Variants in NWD1 observed in about 807,000 individuals in gnomAD.
NWD1 encodes the protein NACHT domain- and WD repeat-containing protein 1.
NWD1 carries 129 observed loss-of-function variants against 135.1 expected under a neutral mutation model. The ratio of observed to expected loss-of-function variants is 0.96; its 90% CI spans 0.83 to 1.11. NWD1 has a LOEUF of 1.11. Among genes scored for constraint, NWD1 ranks in the 50% least tolerant of loss-of-function variants. The pLI is 0.00. For synonymous variants in NWD1, 773 were observed against 786.0 expected (o/e 0.98, Z 0.28); for missense variants, 1,740 against 1,851.3 (o/e 0.94, Z 1.10).
chr19:16,788,279 A>G (rs1410406011), intron 12 of NWD1, among the ~76,000 whole-genome samples: 2 of 135,170 alleles, frequency 1.5e-5, no homozygotes, highest in Admixed American at 7.2e-5. Flanking sequence ...AATAATAATA[A>G]TAATAAAAGG....
At chr19:16,734,777 T>A (rs988812117) in intron 3 of NWD1, among the ~76,000 whole-genome samples, 3 of 145,886 alleles carry the variant, frequency 2.1e-5, no homozygotes, top group Non-Finnish European at 4.6e-5. Context: ...GTAGACACAA[T>A]GTCTCCCTAT....
chr19:16,752,020 A>T (rs1224213739), intron 6 of NWD1, among the ~76,000 whole-genome samples: 1 of 152,062 alleles, frequency 6.6e-6, no homozygotes, highest in Non-Finnish European at 1.5e-5. Flanking sequence ...AGCAAAAATA[A>T]CAAGCAGCAG....
rs780171267 is a variant in NWD1 at position 16,744,396 on chromosome 19, G to C, written c.199-25G>C. 5.3e-5 allele frequency: 81 copies of C among 1,533,694 alleles called. 1 individual carries two copies. In the Middle Eastern group the frequency reaches 6.7e-4, roughly 13 times the overall value. ...TGTCTGAAGAAAAAAAGTGAGATTTGAATCTGTGACTTCCTCTCTGCCAGG... is the reference window on the plus strand; with the variant it reads ...TGTCTGAAGAAAAAAAGTGAGATTTCAATCTGTGACTTCCTCTCTGCCAGG... On this transcript the variant is annotated intron_variant, in intron 4 of 18. Coordinates refer to ENST00000524140, the MANE Select transcript of NWD1 (RefSeq NM_001007525.5).
chr19:16,770,587 G>A (rs1463275725), intron 10 of NWD1, among the ~76,000 whole-genome samples: 3 of 152,068 alleles, frequency 2.0e-5, no homozygotes, highest in African/African-American at 7.2e-5. Flanking sequence ...TCTTGGCAGT[G>A]TGACCTTGCA....
Position 16,749,653 on chromosome 19 carries a change from G to C in NWD1, c.1011G>C (p.Leu337=), listed in dbSNP as rs1464280507. The part of the protein sequence containing the change: ...RHDDSKQHTP[L]VLFGPPGIGK... ...ATGACAGCAAGCAGCACACCCCCCT[G>C]GTACTCTTTGGGCCCCCAGGCATTG... Residue 337 remains leucine (L), a synonymous_variant, in exon 6 of 19, where the codon CTG becomes CTC. Coordinates refer to ENST00000524140, the MANE Select transcript of NWD1 (RefSeq NM_001007525.5). 1 of 1,604,690 alleles carries C rather than the reference G, an allele frequency of 6.2e-7. No homozygotes were observed. Among genetic ancestry groups the C allele is most frequent in the African/African-American group, 1.3e-5 (1 of 74,858 alleles).
At chr19:16,811,794 G>C (rs978695061) in intron 18 of NWD1, among the ~76,000 whole-genome samples, 12 of 151,860 alleles carry the variant, frequency 7.9e-5, no homozygotes, top group African/African-American at 2.9e-4. Flanking sequence ...TTCAAAGCCT[G>C]GTTCTGAGGT....
chr19:16,750,026 G>T lies in NWD1; in HGVS notation c.1384G>T (p.Val462Leu). ...GCTGCCTCTCAACTGCCCCCCGAGG[G>T]TGCACCTCATCCTCTCAGCTTGCTC... is the stretch of plus-strand genomic sequence containing the variant. ...PWLPLNCPPR[V>L]HLILSACSGA... Residue 462 changes from valine to leucine, a missense_variant, in exon 6 of 19, where the codon GTG becomes TTG. Coordinates refer to ENST00000524140, the MANE Select transcript of NWD1 (RefSeq NM_001007525.5). The T allele has an allele frequency of 6.2e-7, 1 of 1,613,876 alleles. No individual in the cohort carries two copies. The highest frequency in any genetic ancestry group is 1.1e-5 in the South Asian group (1 of 91,064).
chr19:16,732,658 A>AAAAAAAAAAAAG (rs1555716299), intron 3 of NWD1, among the ~76,000 whole-genome samples: 2,622 of 123,416 alleles, frequency 0.021, 396 homozygotes, highest in African/African-American at 0.093. Flanking sequence ...TCATCTCAAA[A>AAAAAAAAAAAAG]AAAAAAAAAA....
rs754401013 is a variant in NWD1 at position 16,807,767 on chromosome 19, C to A, written c.3918C>A (p.Ser1306=). The change falls in exon 18 of 19, where the codon TCC becomes TCA. Residue 1306 remains serine, a synonymous_variant. Transcript: ENST00000524140. ...PEARKAINCM[S]LSKCEDRLAI... is the part of the protein sequence containing the mutation. ...CCCGGAAAGCAATCAACTGCATGTCCCTGAGCAAGTGCGAGGACCGCCTGG... is the reference window on the plus strand; with the variant it reads ...CCCGGAAAGCAATCAACTGCATGTCACTGAGCAAGTGCGAGGACCGCCTGG... 4 of 1,613,754 alleles carry A rather than the reference C, an allele frequency of 2.5e-6. No homozygotes were observed. Among genetic ancestry groups the A allele is most frequent in the Non-Finnish European group, 3.4e-6 (4 of 1,179,740 alleles).
chr19:16,810,222 G>A (rs1286664681), intron 18 of NWD1, among the ~76,000 whole-genome samples: 3 of 151,956 alleles, frequency 2.0e-5, no homozygotes, highest in Admixed American at 2.0e-4. Flanking sequence ...TGGATCACCT[G>A]AGGTTAGGGG....
intron 11 of NWD1, among the ~76,000 whole-genome samples, chr19:16,773,997 T>C (rs1969509331): frequency 7.0e-6 from 1 of 142,422 alleles, no homozygotes; most frequent in African/African-American, 2.7e-5. Context: ...TTCCTACTCT[T>C]CCATCCAATT....
chr19:16,746,689 A>G (rs1417878562), intron 5 of NWD1, among the ~76,000 whole-genome samples: 1 of 109,436 alleles, frequency 9.1e-6, no homozygotes, highest in African/African-American at 4.8e-5. Flanking sequence ...AAAACAAAAA[A>G]CAACAAAAAA....
In NWD1 at chr19:16,759,496, G is replaced by T. The variant is rs546441999; in HGVS notation, c.1973+68G>T. 6.7e-6 allele frequency: 8 copies of T among 1,197,982 alleles called. No homozygotes were observed. The East Asian group carries it at 1.5e-4, about 23-fold the overall frequency. 74.2% of individuals were successfully genotyped at this position (1,197,982 alleles called of 1,614,324 possible). ...CCCCAAGAATGAGGACTCACTGGCCGGGGGTCTTCTCAGTATCAGATCCTT... is the reference window on the plus strand; with the variant it reads ...CCCCAAGAATGAGGACTCACTGGCCTGGGGTCTTCTCAGTATCAGATCCTT... On this transcript the variant is annotated intron_variant, in intron 7 of 18. Coordinates refer to ENST00000524140, the MANE Select transcript of NWD1 (RefSeq NM_001007525.5).
rs775026034 is a variant in NWD1 at position 16,773,281 on chromosome 19, C to G, written c.2566C>G (p.Pro856Ala). Reference sequence around the variant, plus strand: ...GCCCCTCGGAGGATTCCTCCAGCCCCCGGGAGGACCCCTCCGGGCAACTCT... The same window carrying G: ...GCCCCTCGGAGGATTCCTCCAGCCCGCGGGAGGACCCCTCCGGGCAACTCT... ...LVPLGGFLQPPGGPLRATLSG... is the reference protein window; with the variant it reads ...LVPLGGFLQPAGGPLRATLSG... The change falls in exon 11 of 19, where the codon CCG becomes GCG. Residue 856 changes from proline (P) to alanine (A), a missense_variant. Physicochemically the swap from Pro to Ala is conservative, Grantham distance 27. Transcript: ENST00000524140. 6.2e-7 allele frequency: 1 copy of G among 1,613,266 alleles called. No homozygotes were observed. Among genetic ancestry groups the G allele is most frequent in the South Asian group, 1.1e-5 (1 of 91,080 alleles).
rs749603191 is a variant in NWD1, at chr19:16,750,283, C to G, written c.1641C>G (p.Ala547=). 1.2e-6 allele frequency: 2 copies of G among 1,613,566 alleles called. No homozygotes were observed. Among genetic ancestry groups the G allele is most frequent in the African/African-American group, 2.7e-5 (2 of 74,900 alleles). The change falls in exon 6 of 19, where the codon GCC becomes GCG. Residue 547 remains alanine, a synonymous_variant. Coordinates refer to ENST00000524140, the MANE Select transcript of NWD1 (RefSeq NM_001007525.5). The stretch of plus-strand genomic sequence containing the variant: ...CGTTTGAGGAAGCCCGGAAATGGGC[C>G]TCTTTCACCGTGCCTGTCCCGCTGG... ...RLAFEEARKW[A]SFTVPVPLAT...
At chr19:16,738,003 A>AAGAAGAAAAG (rs1568339430) in intron 4 of NWD1, among the ~76,000 whole-genome samples, 3 of 138,162 alleles carry the variant, frequency 2.2e-5, no homozygotes, top group Non-Finnish European at 4.8e-5. Flanking sequence ...AAGAAAAGAA[A>AAGAAGAAAAG]AGAAAAGAAA....
rs1237889894 is a variant in NWD1, at chr19:16,720,287, G to A, written c.-111G>A. 1 of 152,220 alleles carries A rather than the reference G, an allele frequency of 6.6e-6. No homozygotes were observed. Among genetic ancestry groups the A allele is most frequent in the Admixed American group, 6.6e-5 (1 of 15,262 alleles). 9.4% of individuals were successfully genotyped at this position (152,220 alleles called of 1,614,324 possible). A position where few individuals can be genotyped will look rare whatever the true frequency, so the allele number is the denominator to read the frequency against. On this transcript the variant is annotated 5_prime_UTR_variant, in exon 1 of 19. Coordinates refer to ENST00000524140, the MANE Select transcript of NWD1 (RefSeq NM_001007525.5). ...AACAATAACATGTAGAAACATATCA[G>A]CTGTTGGTGAGTACCATGCAGAAAA...
intron 10 of NWD1, among the ~76,000 whole-genome samples, chr19:16,768,737 G>C (rs1313860085): frequency 6.6e-6 from 1 of 152,150 alleles, no homozygotes; most frequent in African/African-American, 2.4e-5. Flanking sequence ...AATAAATTGT[G>C]AGCTGAATTC....
intron 2 of NWD1, chr19:16,727,522 C>T (rs1293326701): frequency 6.6e-6 from 1 of 152,570 alleles, no homozygotes; most frequent in Non-Finnish European, 1.5e-5. Context: ...CACGCCCTTT[C>T]CAGGGGAAGG....
Sources: gnomAD v4.1 joint callset for allele counts (sites outside exome capture counted in the v4.1 genomes callset) on GRCh38, gnomAD v4.1.1 for gene constraint, MANE v1.5 for transcripts, NCBI Gene and HGNC (gene_info 2026-07-23, HGNC 2026-07-21) for gene names.